The following TRPM7 variants were observed in gnomAD, a reference collection of about 807,000 sequenced individuals.
The protein encoded by TRPM7 is LTRPC ion channel family member 7.
TRPM7 carries 134 observed loss-of-function variants against 229.7 expected under a neutral mutation model. The ratio of observed to expected loss-of-function variants is 0.58; its 90% CI spans 0.51 to 0.67. The LOEUF (loss-of-function observed/expected upper bound fraction) is 0.67, where lower values mean the gene tolerates loss of function less well. Among genes scored for constraint, TRPM7 ranks in the 30% least tolerant of loss-of-function variants. TRPM7 has a pLI of 0.00. For missense variants in TRPM7, 1,901 were observed against 2,210.0 expected, an observed-to-expected ratio of 0.86 and a Z score of 2.80; for synonymous variants, 699 against 715.2, an observed-to-expected ratio of 0.98 and a Z score of 0.36.
At chr15:50,677,866 A>T (rs1467099915) in intron 1 of TRPM7, among the ~76,000 whole-genome samples, 3 of 152,086 alleles carry the variant, frequency 2.0e-5, no homozygotes, top group Non-Finnish European at 4.4e-5. Context: ...CCATATTCAA[A>T]AGAACGGTAA....
chr15:50,581,048 C>T, intron 29 of TRPM7, 140 bp from the exon 30 acceptor site: 1 of 663,308 alleles, frequency 1.5e-6, no homozygotes. Flanking sequence ...TTTCATAAAA[C>T]AATAAATTTA....
At chr15:50,579,974 A>G (rs2054323551) in intron 30 of TRPM7, among the ~76,000 whole-genome samples, 1 of 151,906 alleles carries the variant, frequency 6.6e-6, no homozygotes, top group Admixed American at 6.6e-5. Context: ...GGGTCTCACT[A>G]TGTTTCTCAG....
At position 50,598,534 on chromosome 15, in the gene TRPM7, T is replaced by C. The variant is rs190965267; in HGVS notation, c.3163+588A>G. Among the ~76,000 whole-genome samples, 8 of 152,364 alleles carry C rather than the reference T, an allele frequency of 5.3e-5. No individual in the cohort carries two copies. In the East Asian group the frequency reaches 1.3e-3, roughly 26 times the overall value. ...ATTATTTTTGTAATTAACGTTGTGCTTGACTTCTCAATATCGAATCTACCT... is the reference window on the plus strand; with the variant it reads ...ATTATTTTTGTAATTAACGTTGTGCCTGACTTCTCAATATCGAATCTACCT... On this transcript the variant is annotated intron_variant, in intron 22 of 38. Transcript: ENST00000646667.
chr15:50,668,535 T>A lies in TRPM7; in HGVS notation c.4-5489A>T, dbSNP rs144262860. 1.8e-4 allele frequency among the ~76,000 whole-genome samples: 27 copies of A among 152,298 alleles called. No individual in the cohort carries two copies. The East Asian group carries it at 4.6e-3, about 26-fold the overall frequency. On this transcript the variant is annotated intron_variant, in intron 1 of 38. Transcript: ENST00000646667. ...GTTTTTTGTTTTTTGAGACAAAGAG[T>A]TTTGCTCTGTTGCCCAGGCTGGAGG...
chr15:50,642,061 T>C (rs1260410093), intron 5 of TRPM7, among the ~76,000 whole-genome samples: 2 of 152,198 alleles, frequency 1.3e-5, no homozygotes, highest in African/African-American at 4.8e-5. Context: ...TTAAATGTTT[T>C]ATTTTAGACA....
intron 19 of TRPM7, among the ~76,000 whole-genome samples, chr15:50,607,884 T>TG (rs1278184907): frequency 1.9e-4 from 18 of 95,256 alleles, no homozygotes; most frequent in African/African-American, 6.4e-4. Context: ...CCATCTCTAC[T>TG]GAAAAAAAAA....
intron 11 of TRPM7, 28 bp downstream of exon 11, chr15:50,628,121 G>C: frequency 6.9e-7 from 1 of 1,459,452 alleles, no homozygotes; most frequent in Non-Finnish European, 9.5e-7. Context: ...TAATTTAATT[G>C]TATTGTGTAT....
chr15:50,653,951 T>C (rs182344652), intron 3 of TRPM7, among the ~76,000 whole-genome samples: 6 of 152,138 alleles, frequency 3.9e-5, no homozygotes, highest in South Asian at 2.1e-4. Flanking sequence ...GAACACTCAA[T>C]TGAGAACACA....
chr15:50,654,973 C>T (rs1223753260), intron 3 of TRPM7, among the ~76,000 whole-genome samples: 3 of 131,446 alleles, frequency 2.3e-5, no homozygotes, highest in Non-Finnish European at 4.7e-5. Context: ...TGCACTCCAG[C>T]GTGGGCGACA....
chr15:50,641,614 C>T (rs1315208241), intron 5 of TRPM7, among the ~76,000 whole-genome samples: 4 of 152,090 alleles, frequency 2.6e-5, no homozygotes, highest in African/African-American at 9.7e-5. Context: ...TCTTTATCTC[C>T]CCCACTAGAA....
chr15:50,657,866 T>C (rs771477603), intron 2 of TRPM7, 47 bp from the exon 3 acceptor site: 22 of 1,530,498 alleles, frequency 1.4e-5, no homozygotes, highest in Non-Finnish European at 2.0e-5. Context: ...TGAAAAACTT[T>C]CTGATTTTAA....
At chr15:50,667,153 T>C (rs1403532557) in intron 1 of TRPM7, among the ~76,000 whole-genome samples, 1 of 152,016 alleles carries the variant, frequency 6.6e-6, no homozygotes, top group African/African-American at 2.4e-5. Flanking sequence ...TAATGGCAGT[T>C]ATGGGGAAAT....
chr15:50,686,011 T>G (rs1372046165), intron 1 of TRPM7, among the ~76,000 whole-genome samples: 4 of 152,202 alleles, frequency 2.6e-5, no homozygotes. Flanking sequence ...CTGTAGAGTA[T>G]CCGCTGCACA....
rs183604624 is a variant in TRPM7 at position 50,654,225 on chromosome 15, C to A, written c.122+3556G>T. The stretch of plus-strand genomic sequence containing the variant: ...CTTTGGGAGGCCAAGGCGGGCGGAT[C>A]ACCTGAGGTCAGGAGTTCCAGACCA... On this transcript the variant is annotated intron_variant, in intron 3 of 38. Coordinates refer to ENST00000646667, the MANE Select transcript of TRPM7 (RefSeq NM_017672.6). Among the ~76,000 whole-genome samples the A allele has an allele frequency of 8.0e-3, 1,216 of 151,792 alleles. 15 individuals are homozygous for A. Among genetic ancestry groups the A allele is most frequent in the Middle Eastern group, 0.027 (8 of 294 alleles).
chr15:50,649,854 G>A lies in TRPM7; in HGVS notation c.123-969C>T, dbSNP rs1396580630. On this transcript the variant is annotated intron_variant, in intron 3 of 38. Transcript: ENST00000646667. ...AACAAAAAGAGGAGGGAGCTACAAC[G>A]AGAAAGTTCCAAGTATCTGCAGAAG... Among the ~76,000 whole-genome samples the A allele has an allele frequency of 3.3e-5, 5 of 152,120 alleles. No individual in the cohort carries two copies. In the East Asian group the frequency reaches 5.8e-4, roughly 18 times the overall value.
At chr15:50,591,144 A>C (rs1392344554) in intron 26 of TRPM7, among the ~76,000 whole-genome samples, 1 of 152,214 alleles carries the variant, frequency 6.6e-6, no homozygotes. Flanking sequence ...GAATATATAA[A>C]TAGGTACACC....
rs1221038246 is a variant in TRPM7, at chr15:50,663,006, T to C, written c.44A>G (p.Glu15Gly). ...GGAACTTGGTATAATATATACACAT[T>C]CCCTCTTGGTCAAAGTGCTTTCTAT... ...SWIESTLTKR[E>G]CVYIIPSSKD... is the part of the protein sequence containing the mutation. The change falls in exon 2 of 39, where the codon GAA (glutamate) becomes GGA (glycine). Residue 15 changes from glutamate to glycine, a missense_variant. Coordinates refer to ENST00000646667, the MANE Select transcript of TRPM7 (RefSeq NM_017672.6). 1 of 1,613,868 alleles carries C rather than the reference T, an allele frequency of 6.2e-7. No homozygotes were observed. Among genetic ancestry groups the C allele is most frequent in the Non-Finnish European group, 8.5e-7 (1 of 1,179,848 alleles).
chr15:50,680,953 G>A (rs974278712), intron 1 of TRPM7, among the ~76,000 whole-genome samples: 2 of 152,030 alleles, frequency 1.3e-5, no homozygotes, highest in Non-Finnish European at 2.9e-5. Context: ...TTTTCCTGCG[G>A]GATTAATATA....
In TRPM7 at chr15:50,560,910, A is replaced by C. The variant is rs998879469; in HGVS notation, c.*768T>G. 1 of 152,644 alleles carries C rather than the reference A, an allele frequency of 6.6e-6. No homozygotes were observed. The highest frequency in any genetic ancestry group is 1.5e-5 in the Non-Finnish European group (1 of 68,038). 9.5% of individuals were successfully genotyped at this position (152,644 alleles called of 1,614,324 possible). A position where few individuals can be genotyped will look rare whatever the true frequency, so the allele number is the denominator to read the frequency against. On this transcript the variant is annotated 3_prime_UTR_variant, in exon 39 of 39. Transcript: ENST00000646667. The stretch of plus-strand genomic sequence containing the variant: ...GGTAACTTCCCTTGACGAGTGAGTT[A>C]GGTTTCTGCTTTTATAATTTAGGTT...
Sources: allele counts gnomAD v4.1 joint callset (sites outside exome capture counted in the v4.1 genomes callset), GRCh38; gene constraint gnomAD v4.1.1; transcripts MANE v1.5; gene names NCBI Gene and HGNC (gene_info 2026-07-23, HGNC 2026-07-21).